PPM1H: variants seen among roughly 807,000 people sequenced by gnomAD.
PPM1H encodes the protein protein phosphatase 1H.
A neutral mutation model predicts 54.9 loss-of-function variants in PPM1H; 27 were observed. The ratio of observed to expected loss-of-function variants is 0.49; its 90% CI spans 0.36 to 0.68. PPM1H has a LOEUF of 0.68. PPM1H is among the 30% of genes least tolerant of loss of function. The pLI, the probability that PPM1H is intolerant of heterozygous loss-of-function variation, is 0.00. For synonymous variants in PPM1H, 305 were observed against 270.8 expected (o/e 1.13, Z -1.24); for missense variants, 596 against 667.8 (o/e 0.89, Z 1.19).
chr12:62,802,001 A>G lies in PPM1H; in HGVS notation c.571T>C (p.Cys191Arg). ...LKNSAVLPPT[C>R]LGEEPENTPA... ...GTGTTCTCAGGCTCCTCCCCCAGGC[A>G]GGTAGGGGGCAGGACGGCGGAGTTC... The change falls in exon 3 of 10, where the codon TGC becomes CGC. Residue 191 changes from cysteine (C) to arginine (R), a missense_variant. By Grantham distance (180) the Cys-to-Arg change is radical. This residue lies in a region of PPM1H where 382 missense variants were observed against 387.1 expected (regional missense o/e 0.99). Transcript: ENST00000228705. 6.2e-7 allele frequency: 1 copy of G among 1,613,358 alleles called. No homozygotes were observed.
chr12:62,906,647 A>G (rs994571000), intron 1 of PPM1H, among the ~76,000 whole-genome samples: 1 of 152,226 alleles, frequency 6.6e-6, no homozygotes, highest in African/African-American at 2.4e-5. Context: ...TCCACATAAA[A>G]GACTATTCAG....
rs754753650 is a variant in PPM1H, at chr12:62,934,473, C to T, written c.245+19G>A. 1.1e-5 allele frequency: 17 copies of T among 1,528,556 alleles called. No homozygotes were observed. Among genetic ancestry groups the T allele is most frequent in the Non-Finnish European group, 1.5e-5 (17 of 1,138,882 alleles). 94.7% of individuals were successfully genotyped at this position (1,528,556 alleles called of 1,614,324 possible). ...GGCCGCGAGGAGAGCAGGGGCGCCG[C>T]CGGTGTCGCTGCACTCACTCTGCGT... On this transcript the variant is annotated intron_variant, in intron 1 of 9. Transcript: ENST00000228705. This position sits in a 1 kb window ranked among gnomAD's most constrained non-coding sequence, Gnocchi z 4.2.
chr12:62,719,118 T>C (rs1406309119), intron 6 of PPM1H, among the ~76,000 whole-genome samples: 1 of 152,206 alleles, frequency 6.6e-6, no homozygotes, highest in Non-Finnish European at 1.5e-5. Context: ...GAAACTTCTC[T>C]TGGTTGGCAA....
At chr12:62,832,352 G>A (rs552689765) in intron 1 of PPM1H, 73 bp from the exon 2 acceptor site, 3 of 1,429,996 alleles carry the variant, frequency 2.1e-6, no homozygotes, top group Admixed American at 4.0e-5. Flanking sequence ...TCAAGGGTCA[G>A]CCAAGACAGT....
chr12:62,861,653 G>T (rs1869605907), intron 1 of PPM1H, among the ~76,000 whole-genome samples: 1 of 152,214 alleles, frequency 6.6e-6, no homozygotes, highest in Non-Finnish European at 1.5e-5. Flanking sequence ...TAGAGAAAGA[G>T]GCAGGTGAGG....
At chr12:62,767,210 T>C (rs2076549259) in intron 4 of PPM1H, among the ~76,000 whole-genome samples, 1 of 151,952 alleles carries the variant, frequency 6.6e-6, no homozygotes, top group African/African-American at 2.4e-5. Flanking sequence ...AACATCGGGA[T>C]GTGAGTGGAT....
At chr12:62,852,097 C>A (rs571564996) in intron 1 of PPM1H, among the ~76,000 whole-genome samples, 2 of 151,776 alleles carry the variant, frequency 1.3e-5, no homozygotes, top group South Asian at 4.2e-4. Flanking sequence ...GGCGTGGTGG[C>A]GGGCGCCTGT....
At chr12:62,772,262 C>A (rs1054819044) in intron 4 of PPM1H, among the ~76,000 whole-genome samples, 2 of 152,156 alleles carry the variant, frequency 1.3e-5, no homozygotes, top group Non-Finnish European at 2.9e-5. Context: ...TATTCACACA[C>A]TTTAGAAGGA....
chr12:62,697,339 A>T (rs2076120453), intron 6 of PPM1H, among the ~76,000 whole-genome samples: 1 of 152,062 alleles, frequency 6.6e-6, no homozygotes, highest in South Asian at 2.1e-4. Context: ...GCTGGTCCTG[A>T]ACTCCTGACC....
At chr12:62,911,658 T>C (rs1418539843) in intron 1 of PPM1H, among the ~76,000 whole-genome samples, 3 of 152,222 alleles carry the variant, frequency 2.0e-5, no homozygotes, top group Admixed American at 6.5e-5. Flanking sequence ...TGCTAATCAC[T>C]CATCCTTCAG....
chr12:62,651,204 T>A (rs914358018), intron 9 of PPM1H, among the ~76,000 whole-genome samples: 1 of 152,240 alleles, frequency 6.6e-6, no homozygotes, highest in African/African-American at 2.4e-5. Context: ...GCTTGATGTT[T>A]GAGTTTTCAC....
chr12:62,683,319 T>C (rs1250516415), intron 8 of PPM1H, among the ~76,000 whole-genome samples: 53 of 152,088 alleles, frequency 3.5e-4, no homozygotes, highest in Admixed American at 3.4e-3. Flanking sequence ...ACGTACCACA[T>C]CTTGTTCTCA....
At chr12:62,693,507 G>A (rs1353254846) in intron 7 of PPM1H, among the ~76,000 whole-genome samples, 2 of 152,190 alleles carry the variant, frequency 1.3e-5, no homozygotes, top group Non-Finnish European at 2.9e-5. Flanking sequence ...GCTGCCCCTC[G>A]CTTGGCTGCG....
intron 1 of PPM1H, among the ~76,000 whole-genome samples, chr12:62,854,502 A>G (rs1869311066): frequency 6.6e-6 from 1 of 152,188 alleles, no homozygotes; most frequent in African/African-American, 2.4e-5. Context: ...GACCTTGGCA[A>G]GTTACTGATA....
chr12:62,690,714 G>A (rs193225096), intron 7 of PPM1H, among the ~76,000 whole-genome samples: 2 of 152,334 alleles, frequency 1.3e-5, no homozygotes, highest in East Asian at 1.9e-4. Flanking sequence ...GCTCTTGCCT[G>A]TAATCCCAGC....
At position 62,841,799 on chromosome 12, in the gene PPM1H, GAA is replaced by G. The variant is rs575260439; in HGVS notation, c.246-9522_246-9521del. Among the ~76,000 whole-genome samples the G allele has an allele frequency of 3.0e-3, 451 of 152,116 alleles. 10 individuals are homozygous for G. The highest frequency in any genetic ancestry group is 1.2e-3 in the Non-Finnish European group (79 of 67,986). ...TTCACCAATATAATTAAATAACTGAGAATGAAAAAACAAACAATAAAGATCAA... is the reference window on the plus strand; with the variant it reads ...TTCACCAATATAATTAAATAACTGAGTGAAAAAACAAACAATAAAGATCAA... On this transcript the variant is annotated intron_variant, in intron 1 of 9. Coordinates refer to ENST00000228705, the MANE Select transcript of PPM1H (RefSeq NM_020700.2).
intron 4 of PPM1H, among the ~76,000 whole-genome samples, chr12:62,775,087 A>C (rs1271484116): frequency 2.0e-5 from 3 of 152,236 alleles, no homozygotes; most frequent in Non-Finnish European, 4.4e-5. Context: ...TTTAAATCCC[A>C]CAGGTGAATA....
At chr12:62,694,356 G>A (rs2076101809) in intron 6 of PPM1H, among the ~76,000 whole-genome samples, 1 of 152,196 alleles carries the variant, frequency 6.6e-6, no homozygotes, top group African/African-American at 2.4e-5. Flanking sequence ...GCTCAGAGAT[G>A]AATGGAGTGT....
chr12:62,889,792 C>T (rs965859334), intron 1 of PPM1H, among the ~76,000 whole-genome samples: 1 of 152,124 alleles, frequency 6.6e-6, no homozygotes, highest in Non-Finnish European at 1.5e-5. Context: ...GAATCGCAAA[C>T]CTAAATTTAA....
Sources: gnomAD v4.1 joint callset for allele counts (sites outside exome capture counted in the v4.1 genomes callset) on GRCh38, gnomAD v4.1.1 for gene constraint, gnomAD v4.1.1 regional missense constraint, Gnocchi (gnomAD v3.1) non-coding constraint, MANE v1.5 for transcripts, NCBI Gene and HGNC (gene_info 2026-07-23, HGNC 2026-07-21) for gene names.